Variants in WDR37 observed in about 807,000 individuals in gnomAD.
WDR37 encodes WD repeat domain 37.
A neutral mutation model predicts 62.9 loss-of-function variants in WDR37; 19 were observed. That is an observed-to-expected ratio of 0.30 (90% CI 0.21 to 0.44). WDR37 has a LOEUF of 0.44. Ranked by LOEUF, WDR37 falls within the 20% of genes least tolerant of loss-of-function variation. The probability of loss-of-function intolerance (pLI) is 1.00; values close to 1 mark genes in which losing one functional copy is unlikely to be tolerated. For synonymous variants in WDR37, 250 were observed against 260.9 expected, an observed-to-expected ratio of 0.96 and a Z score of 0.40; for missense variants, 474 against 657.6, an observed-to-expected ratio of 0.72 and a Z score of 3.05.
chr10:1,114,837 A>G (rs1234665355), intron 11 of WDR37, among the ~76,000 whole-genome samples: 1 of 152,198 alleles, frequency 6.6e-6, no homozygotes, highest in Admixed American at 6.5e-5. Context: ...GCACACACCC[A>G]GGGGGCTGAA....
chr10:1,097,439 C>T (rs1834626650), intron 9 of WDR37, among the ~76,000 whole-genome samples: 1 of 152,194 alleles, frequency 6.6e-6, no homozygotes, highest in African/African-American at 2.4e-5. Flanking sequence ...GCACAGAAAC[C>T]AGAGCTGCCT....
intron 13 of WDR37, among the ~76,000 whole-genome samples, chr10:1,126,418 AAG>A (rs1835780311): frequency 6.6e-6 from 1 of 151,286 alleles, no homozygotes; most frequent in African/African-American, 2.4e-5. Context: ...AAAAAAAAAA[AAG>A]AAACTCCCCG....
At chr10:1,126,412 A>C (rs1249313520) in intron 13 of WDR37, among the ~76,000 whole-genome samples, 1 of 151,526 alleles carries the variant, frequency 6.6e-6, no homozygotes, top group Non-Finnish European at 1.5e-5. Flanking sequence ...TCTCAGAAAA[A>C]AAAAAAAGAA....
In WDR37 at chr10:1,093,507, T is replaced by A; in HGVS notation, c.649+11T>A. On this transcript the variant is annotated intron_variant, in intron 8 of 13. Coordinates refer to ENST00000263150, the MANE Select transcript of WDR37 (RefSeq NM_014023.4). ...AGTTGGCTCTCACTGGTATGTTGAT[T>A]TTTTTCTTTATTGAACAAAATGATA... 1 of 1,603,092 alleles carries A rather than the reference T, an allele frequency of 6.2e-7. No homozygotes were observed. The highest frequency in any genetic ancestry group is 8.5e-7 in the Non-Finnish European group (1 of 1,173,718).
chr10:1,066,976 C>T (rs1183449743), intron 1 of WDR37, among the ~76,000 whole-genome samples: 1 of 152,172 alleles, frequency 6.6e-6, no homozygotes, highest in East Asian at 1.9e-4. Context: ...GAAAGACCTG[C>T]CCCTCCATGA....
At chr10:1,106,219 T>C (rs541629785) in intron 11 of WDR37, among the ~76,000 whole-genome samples, 2 of 152,192 alleles carry the variant, frequency 1.3e-5, no homozygotes, top group African/African-American at 4.8e-5. Flanking sequence ...CTGGTTCTTC[T>C]CTTTTAATCT....
Position 1,096,219 on chromosome 10 carries a change from G to T in WDR37, c.699G>T (p.Pro233=), listed in dbSNP as rs1202137593. The change falls in exon 9 of 14, where the codon CCG becomes CCT. Residue 233 remains proline, a synonymous_variant. Transcript: ENST00000263150. The part of the protein sequence containing the change: ...AHIWRYAVQL[P]TPQPVADTSI... ...TCTGGAGATACGCGGTGCAGCTGCC[G>T]ACACCCCAGCCTGTTGCTGACACTA... 1 of 1,613,970 alleles carries T rather than the reference G, an allele frequency of 6.2e-7. No individual in the cohort carries two copies. Among genetic ancestry groups the T allele is most frequent in the African/African-American group, 1.3e-5 (1 of 74,910 alleles).
chr10:1,096,294 G>A (rs761345402), intron 9 of WDR37, 48 bp downstream of exon 9: 2 of 1,572,122 alleles, frequency 1.3e-6, no homozygotes, highest in South Asian at 1.1e-5. Context: ...TGATGTCTGC[G>A]AATCTGAGAA....
At chr10:1,074,468 C>T (rs1250073514) in intron 2 of WDR37, 2 of 1,304,376 alleles carry the variant, frequency 1.5e-6, no homozygotes, top group Non-Finnish European at 2.0e-6. Context: ...CTCATTTGTT[C>T]AATGAGCAGT....
chr10:1,098,049 T>C (rs1834651593), intron 9 of WDR37, among the ~76,000 whole-genome samples: 1 of 152,172 alleles, frequency 6.6e-6, no homozygotes, highest in Non-Finnish European at 1.5e-5. Flanking sequence ...GTATTTGCCA[T>C]GCAAGAAGGA....
chr10:1,096,631 T>C (rs36062650), intron 9 of WDR37: 52,502 of 206,944 alleles, frequency 0.25, 8,616 homozygotes, highest in African/African-American at 0.5. Context: ...TTTTTATGCG[T>C]CGCCCGGTCT....
At chr10:1,057,769 AACATTCGTCCCTTG>A (rs1359811262) in intron 1 of WDR37, among the ~76,000 whole-genome samples, 31 of 152,348 alleles carry the variant, frequency 2.0e-4, no homozygotes, top group African/African-American at 7.2e-4. Context: ...TAAACGCTAA[AACATTCGTCCCTTG>A]AAGCGGATAC....
Position 1,080,083 on chromosome 10 carries a change from G to A in WDR37, c.308G>A (p.Ser103Asn). Residue 103 changes from serine (S) to asparagine (N), a missense_variant, in exon 4 of 14, where the codon AGT becomes AAT. Coordinates refer to ENST00000263150, the MANE Select transcript of WDR37 (RefSeq NM_014023.4). ...CAAGCGATTGATGGAGCAGAGCTGAGTAAGGGCCAACTCAAAACAAAAGGT... is the reference window on the plus strand; with the variant it reads ...CAAGCGATTGATGGAGCAGAGCTGAATAAGGGCCAACTCAAAACAAAAGGT... ...EGQAIDGAEL[S>N]KGQLKTKASH... The A allele has an allele frequency of 1.2e-6, 2 of 1,614,178 alleles. No individual in the cohort carries two copies. Among genetic ancestry groups the A allele is most frequent in the African/African-American group, 1.3e-5 (1 of 75,032 alleles).
intron 11 of WDR37, among the ~76,000 whole-genome samples, chr10:1,106,731 G>T (rs751168030): frequency 5.7e-4 from 87 of 152,260 alleles, no homozygotes; most frequent in Non-Finnish European, 1.2e-3. Context: ...TGGTTGGGCT[G>T]GTCTTGAACT....
chr10:1,100,294 C>CACTGCAT, intron 9 of WDR37, among the ~76,000 whole-genome samples: 1 of 152,072 alleles, frequency 6.6e-6, no homozygotes, highest in Non-Finnish European at 1.5e-5. Flanking sequence ...GAGCACTGCA[C>CACTGCAT]ACACAGTTGT....
At chr10:1,104,630 A>T (rs1589110889) in intron 10 of WDR37, among the ~76,000 whole-genome samples, 1 of 152,176 alleles carries the variant, frequency 6.6e-6, no homozygotes, top group East Asian at 1.9e-4. Flanking sequence ...TCCTATTTAC[A>T]GGCTCTGCCC....
intron 8 of WDR37, among the ~76,000 whole-genome samples, chr10:1,093,911 A>G (rs900793698): frequency 1.3e-5 from 2 of 152,196 alleles, no homozygotes; most frequent in Non-Finnish European, 2.9e-5. Flanking sequence ...CAGCATTTTT[A>G]CTTCTTTCTG....
chr10:1,093,030 A>C (rs910288051), intron 7 of WDR37, among the ~76,000 whole-genome samples: 1 of 151,998 alleles, frequency 6.6e-6, no homozygotes, highest in African/African-American at 2.4e-5. Context: ...TCTACTAGTC[A>C]CAGAACAGAC....
At chr10:1,093,620 T>G (rs1171478342) in intron 8 of WDR37, 124 bp downstream of exon 8, 2 of 819,764 alleles carry the variant, frequency 2.4e-6, no homozygotes, top group African/African-American at 3.5e-5. Flanking sequence ...TAGTAGACAT[T>G]TTATGAATTA....
Sources: allele counts gnomAD v4.1 joint callset (sites outside exome capture counted in the v4.1 genomes callset), GRCh38; gene constraint gnomAD v4.1.1; transcripts MANE v1.5; gene names NCBI Gene and HGNC (gene_info 2026-07-23, HGNC 2026-07-21).